RBFOX1: variants seen among roughly 807,000 people sequenced by gnomAD.
RBFOX1 encodes the protein RNA binding fox-1 homolog 1, also known as RNA binding protein fox-1 homolog 1.
Under a neutral mutation model 57.7 loss-of-function variants are expected in RBFOX1, and 8 were observed. The ratio of observed to expected loss-of-function variants is 0.14; its 90% confidence interval spans 0.08 to 0.25. The LOEUF is 0.25. RBFOX1 is among the 10% of genes least tolerant of loss of function. RBFOX1 has a pLI of 1.00. For missense variants in RBFOX1, 611 were observed against 548.5 expected (o/e 1.11, Z -1.14); for synonymous variants, 326 against 222.4 (o/e 1.47, Z -4.15).
intron 1 of RBFOX1, among the ~76,000 whole-genome samples, chr16:5,452,554 A>G (rs2068459517): frequency 6.6e-6 from 1 of 151,484 alleles, no homozygotes; most frequent in African/African-American, 2.4e-5. Flanking sequence ...AACAATTCCC[A>G]TTTGTTCCTC....
At chr16:6,385,701 A>G (rs2092218537) in intron 2 of RBFOX1, among the ~76,000 whole-genome samples, 2 of 152,222 alleles carry the variant, frequency 1.3e-5, no homozygotes, top group Admixed American at 6.5e-5. Context: ...TATTGGGAGA[A>G]CAGAACAAGG....
intron 2 of RBFOX1, among the ~76,000 whole-genome samples, chr16:5,518,912 G>A (rs903177530): frequency 2.0e-5 from 3 of 152,166 alleles, no homozygotes; most frequent in African/African-American, 7.2e-5. Context: ...ACCCCTGGGG[G>A]CATCAGAATG....
At chr16:6,892,452 T>A (rs2065681685) in intron 3 of RBFOX1, among the ~76,000 whole-genome samples, 1 of 152,098 alleles carries the variant, frequency 6.6e-6, no homozygotes, top group African/African-American at 2.4e-5. Context: ...GGTGGATCCC[T>A]TGAGGTCAGA....
At chr16:5,686,166 A>C (rs1239709206) in intron 3 of RBFOX1, among the ~76,000 whole-genome samples, 2 of 152,212 alleles carry the variant, frequency 1.3e-5, no homozygotes, top group African/African-American at 4.8e-5. Flanking sequence ...CAATGTACCA[A>C]GCAACATGGA....
chr16:7,572,500 T>C (rs527912772), intron 5 of RBFOX1, among the ~76,000 whole-genome samples: 1 of 152,252 alleles, frequency 6.6e-6, no homozygotes, highest in African/African-American at 2.4e-5. Flanking sequence ...TGGAGGCCAG[T>C]GATGCTGTTG....
intron 1 of RBFOX1, among the ~76,000 whole-genome samples, chr16:5,338,202 C>G (rs1264842724): frequency 6.6e-6 from 1 of 152,148 alleles, no homozygotes; most frequent in African/African-American, 2.4e-5. Context: ...AGAACATGAT[C>G]TCATATGGAT....
At chr16:7,570,237 G>T (rs1030634986) in intron 5 of RBFOX1, among the ~76,000 whole-genome samples, 1 of 149,864 alleles carries the variant, frequency 6.7e-6, no homozygotes, top group South Asian at 2.1e-4. Context: ...TATTTTACAA[G>T]ACAGGCTTCT....
At chr16:6,923,584 T>A (rs11639938) in intron 3 of RBFOX1, among the ~76,000 whole-genome samples, 1 of 151,946 alleles carries the variant, frequency 6.6e-6, no homozygotes, top group African/African-American at 2.4e-5. Flanking sequence ...GGCTGACCAT[T>A]TTCCAGGGCA....
At chr16:6,831,861 T>C (rs919663209) in intron 3 of RBFOX1, among the ~76,000 whole-genome samples, 2 of 152,152 alleles carry the variant, frequency 1.3e-5, no homozygotes, top group African/African-American at 4.8e-5. Flanking sequence ...CTAGGGAGCA[T>C]CATTTATGCA....
intron 11 of RBFOX1, among the ~76,000 whole-genome samples, chr16:7,652,663 C>T (rs1330495357): frequency 6.6e-6 from 1 of 152,222 alleles, no homozygotes; most frequent in East Asian, 1.9e-4. Flanking sequence ...GCCTCAGCCT[C>T]CCAAAGTGCT....
intron 2 of RBFOX1, among the ~76,000 whole-genome samples, chr16:6,467,243 T>C (rs1280846730): frequency 6.6e-6 from 1 of 151,534 alleles, no homozygotes; most frequent in East Asian, 1.9e-4. Context: ...AATATATTAA[T>C]TACAGTTAAT....
intron 4 of RBFOX1, among the ~76,000 whole-genome samples, chr16:7,172,369 T>C (rs991520575): frequency 1.1e-4 from 17 of 152,174 alleles, no homozygotes; most frequent in African/African-American, 4.1e-4. Context: ...ATAATAAAAG[T>C]AAATCTTCCC....
chr16:7,662,752 G>A (rs1263591021), intron 12 of RBFOX1, among the ~76,000 whole-genome samples: 1 of 152,210 alleles, frequency 6.6e-6, no homozygotes, highest in Non-Finnish European at 1.5e-5. Flanking sequence ...CCTCGTTAGA[G>A]CTACAGTGTT....
intron 11 of RBFOX1, among the ~76,000 whole-genome samples, chr16:7,632,594 C>T (rs898588643): frequency 3.3e-5 from 5 of 152,168 alleles, no homozygotes; most frequent in African/African-American, 1.2e-4. Flanking sequence ...TAAATCTGAT[C>T]GCTGTACCAT....
chr16:6,515,840 C>T (rs569447052), intron 2 of RBFOX1, among the ~76,000 whole-genome samples: 67 of 152,242 alleles, frequency 4.4e-4, no homozygotes, highest in African/African-American at 1.6e-3. Context: ...CTAATGGCCT[C>T]TTGGGTGAAT....
chr16:6,960,174 C>A (rs1296298624), intron 3 of RBFOX1, among the ~76,000 whole-genome samples: 3 of 152,244 alleles, frequency 2.0e-5, no homozygotes, highest in African/African-American at 2.4e-5. Flanking sequence ...ACTCCCCACA[C>A]CTCCATGATT....
intron 3 of RBFOX1, among the ~76,000 whole-genome samples, chr16:6,893,957 C>T (rs773001915): frequency 6.6e-6 from 1 of 152,132 alleles, no homozygotes; most frequent in South Asian, 2.1e-4. Context: ...TGATAATTAA[C>T]CAAGTGCTAT....
intron 4 of RBFOX1, among the ~76,000 whole-genome samples, chr16:7,322,508 T>TGTGCTG (rs2096558737): frequency 6.6e-6 from 1 of 152,234 alleles, no homozygotes; most frequent in South Asian, 2.1e-4. Context: ...CACATCTTGC[T>TGTGCTG]ACCTACTTGG....
intron 4 of RBFOX1, among the ~76,000 whole-genome samples, chr16:7,215,314 C>T (rs555803845): frequency 4.9e-4 from 74 of 152,330 alleles, no homozygotes; most frequent in African/African-American, 1.7e-3. Context: ...CATCCCATTA[C>T]TGGGTATATA....
Sources: gnomAD v4.1 joint callset for allele counts (sites outside exome capture counted in the v4.1 genomes callset) on GRCh38, gnomAD v4.1.1 for gene constraint, MANE v1.5 for transcripts, NCBI Gene and HGNC (gene_info 2026-07-23, HGNC 2026-07-21) for gene names.